CDH15: variants seen among roughly 807,000 people sequenced by gnomAD.
CDH15 encodes cadherin 15.
Under a neutral mutation model 69.4 loss-of-function variants are expected in CDH15, and 73 were observed. That is an observed-to-expected ratio of 1.05 (90% CI 0.87 to 1.28). The LOEUF (loss-of-function observed/expected upper bound fraction) is 1.28, where lower values mean the gene tolerates loss of function less well. Ranked by LOEUF, CDH15 falls within the 50% of genes most tolerant of loss-of-function variation. The probability of loss-of-function intolerance (pLI) is 0.00; values close to 1 mark genes in which losing one functional copy is unlikely to be tolerated. For synonymous variants in CDH15, 624 were observed against 507.7 expected (o/e 1.23, Z -3.08); for missense variants, 1,343 against 1,133.6 (o/e 1.18, Z -2.65).
rs930035752 is a variant in CDH15, at chr16:89,195,026, C to T, written c.2316C>T (p.Arg772=). 3 of 1,612,296 alleles carry T rather than the reference C, an allele frequency of 1.9e-6. No individual in the cohort carries two copies. The highest frequency in any genetic ancestry group is 2.7e-5 in the African/African-American group (2 of 74,928). ...ACTACCTCAGAGACTGGGGGCCCCG[C>T]TTCGCCCGGCTGGCAGACATGTATG... ...DYDYLRDWGP[R]FARLADMYGH... Residue 772 remains arginine (R), a synonymous_variant, in exon 14 of 14, where the codon CGC becomes CGT. Transcript: ENST00000289746.
In CDH15 at chr16:89,185,194, A is replaced by G. The variant is rs758474503; in HGVS notation, c.524A>G (p.Glu175Gly). ...AVPGTYVTRAEATDADDPETD... is the reference protein window; with the variant it reads ...AVPGTYVTRAGATDADDPETD... ...CCAGGCACCTATGTGACCAGGGCAGAGGCCACAGATGCCGACGACCCCGAG... is the reference window on the plus strand; with the variant it reads ...CCAGGCACCTATGTGACCAGGGCAGGGGCCACAGATGCCGACGACCCCGAG... Residue 175 changes from glutamate (E) to glycine (G), a missense_variant, in exon 5 of 14, where the codon GAG becomes GGG. By Grantham distance (98) the Glu-to-Gly change is moderately conservative (BLOSUM62 -2). Transcript: ENST00000289746. The G allele has an allele frequency of 1.2e-6, 2 of 1,602,098 alleles. No homozygotes were observed. The highest frequency in any genetic ancestry group is 8.5e-7 in the Non-Finnish European group (1 of 1,175,542).
At chr16:89,189,503 G>A (rs576895886) in intron 7 of CDH15, among the ~76,000 whole-genome samples, 2 of 152,226 alleles carry the variant, frequency 1.3e-5, no homozygotes, top group African/African-American at 4.8e-5. Flanking sequence ...GAGAGAGAGT[G>A]GGGGAGGGCA....
In CDH15 at chr16:89,193,625, GT is replaced by G. The variant is rs1237518097; in HGVS notation, c.1992+20del. The G allele has an allele frequency of 6.3e-7, 1 of 1,576,396 alleles. No homozygotes were observed. Among genetic ancestry groups the G allele is most frequent in the African/African-American group, 1.3e-5 (1 of 74,426 alleles). On this transcript the variant is annotated intron_variant, in intron 12 of 13. Transcript: ENST00000289746. ...GGACCAGGTGAGGGGGCAGGTGTGG[GT>G]GGGGAGGGGTCCCCAAGGAACCCAG...
At chr16:89,176,004 C>A (rs1361457136) in intron 1 of CDH15, among the ~76,000 whole-genome samples, 1 of 152,232 alleles carries the variant, frequency 6.6e-6, no homozygotes, top group Non-Finnish European at 1.5e-5. Context: ...ACAGTCAGAG[C>A]GAGAGGCCCC....
rs1915167679 is a variant in CDH15, at chr16:89,171,955, C to G, written c.42+82C>G. The G allele has an allele frequency of 5.7e-6, 8 of 1,407,388 alleles. No individual in the cohort carries two copies. In the Admixed American group the frequency reaches 1.4e-4, roughly 24 times the overall value. 87.2% of individuals were successfully genotyped at this position (1,407,388 alleles called of 1,614,324 possible). ...TGTCTTCAACTGCAGCCGCACAGGT[C>G]TCCCCCAGAACCACTGGCCCTGGTC... On this transcript the variant is annotated intron_variant, in intron 1 of 13. Transcript: ENST00000289746.
rs1218462112 is a variant in CDH15, at chr16:89,192,452, A to T, written c.1855+8A>T. 1 of 1,561,394 alleles carries T rather than the reference A, an allele frequency of 6.4e-7. No homozygotes were observed. The highest frequency in any genetic ancestry group is 8.6e-7 in the Non-Finnish European group (1 of 1,161,276). The stretch of plus-strand genomic sequence containing the variant: ...GCGCCCTCCTGCTGCTGGGTGAGTG[A>T]GCGCCCCGCCTCCACCTGGACCCTC... On this transcript the variant is annotated splice_region_variant and intron_variant, in intron 11 of 13. Coordinates refer to ENST00000289746, the MANE Select transcript of CDH15 (RefSeq NM_004933.3).
At position 89,192,309 on chromosome 16, in the gene CDH15, C is replaced by T. The variant is rs1915667348; in HGVS notation, c.1720C>T (p.Pro574Ser). 3 of 1,534,438 alleles carry T rather than the reference C, an allele frequency of 2.0e-6. No individual in the cohort carries two copies. The highest frequency in any genetic ancestry group is 1.4e-5 in the African/African-American group (1 of 72,888). The change falls in exon 11 of 14, where the codon CCT becomes TCT. Residue 574 changes from proline to serine, a missense_variant. Coordinates refer to ENST00000289746, the MANE Select transcript of CDH15 (RefSeq NM_004933.3). ...GCAGCCGCCCCAGCAGCGCGAGCAGCCTCTGAACGTGACCGTGTGCCGCTG... is the reference window on the plus strand; with the variant it reads ...GCAGCCGCCCCAGCAGCGCGAGCAGTCTCTGAACGTGACCGTGTGCCGCTG... Reference protein sequence around the residue: ...SGQPPQQREQPLNVTVCRCGK... With the variant: ...SGQPPQQREQSLNVTVCRCGK...
chr16:89,175,007 C>G (rs12444102), intron 1 of CDH15, among the ~76,000 whole-genome samples: 1 of 152,010 alleles, frequency 6.6e-6, no homozygotes, highest in African/African-American at 2.4e-5. Flanking sequence ...GCTTTGAGAA[C>G]GCCCCCGAGA....
chr16:89,178,816 A>AG (rs1186925600), intron 1 of CDH15, among the ~76,000 whole-genome samples: 1 of 152,128 alleles, frequency 6.6e-6, no homozygotes, highest in African/African-American at 2.4e-5. Context: ...GGAGAGGTGG[A>AG]GGGGGACGGG....
At chr16:89,184,816 C>A (rs923515300) in intron 4 of CDH15, among the ~76,000 whole-genome samples, 19 of 152,236 alleles carry the variant, frequency 1.2e-4, no homozygotes, top group African/African-American at 4.6e-4. Flanking sequence ...TGACCCAGCG[C>A]CCTTAGCCCC....
In CDH15 at chr16:89,183,718, C is replaced by T. The variant is rs759113075; in HGVS notation, c.502+26C>T. 2.4e-5 allele frequency: 38 copies of T among 1,572,066 alleles called. No homozygotes were observed. The Middle Eastern group carries it at 6.6e-4, about 27-fold the overall frequency. ...GTGAGACAGGACCACAGCCCCGGGC[C>T]GGGAGGGGCTGCAAGGAAGGGCTCT... is the stretch of plus-strand genomic sequence containing the variant. On this transcript the variant is annotated intron_variant, in intron 4 of 13. Transcript: ENST00000289746.
chr16:89,190,992 T>C (rs1325304876), intron 8 of CDH15, among the ~76,000 whole-genome samples: 2 of 150,678 alleles, frequency 1.3e-5, no homozygotes, highest in African/African-American at 2.4e-5. Context: ...GGGTTGTGTG[T>C]ACATGTGTAT....
In CDH15 at chr16:89,195,070, A is replaced by G. The variant is rs1915771658; in HGVS notation, c.2360A>G (p.Glu787Gly). The change falls in exon 14 of 14, where the codon GAG becomes GGG. Residue 787 changes from glutamate (E) to glycine (G), a missense_variant. Glu to Gly is a moderately conservative substitution (Grantham distance 98). Coordinates refer to ENST00000289746, the MANE Select transcript of CDH15 (RefSeq NM_004933.3). Reference protein sequence around the residue: ...ADMYGHPCGLEYGARWDHQAR... With the variant: ...ADMYGHPCGLGYGARWDHQAR... Reference sequence around the variant, plus strand: ...ATGTATGGGCACCCGTGCGGGTTGGAGTACGGGGCCAGATGGGACCACCAG... The same window carrying G: ...ATGTATGGGCACCCGTGCGGGTTGGGGTACGGGGCCAGATGGGACCACCAG... The G allele has an allele frequency of 6.2e-7, 1 of 1,612,408 alleles. No homozygotes were observed. The highest frequency in any genetic ancestry group is 8.5e-7 in the Non-Finnish European group (1 of 1,179,810).
chr16:89,176,403 C>A (rs1333796332), intron 1 of CDH15, among the ~76,000 whole-genome samples: 1 of 152,134 alleles, frequency 6.6e-6, no homozygotes. Flanking sequence ...GCCCAGCTGG[C>A]CCAGCTCTGA....
chr16:89,182,216 CCCCTCCCCCAGCCTG>C lies in CDH15; in HGVS notation c.358-1293_358-1279del, dbSNP rs1181460591. Among the ~76,000 whole-genome samples, 8 of 12,648 alleles carry C rather than the reference CCCCTCCCCCAGCCTG, an allele frequency of 6.3e-4. 1 individual carries two copies. Among genetic ancestry groups the C allele is most frequent in the East Asian group, 5.1e-3 (1 of 196 alleles). 8.3% of individuals were successfully genotyped at this position (12,648 alleles called of 152,430 possible). ...CCCCCAGCCTGCCCTCCCCCAGCCT[CCCCTCCCCCAGCCTG>C]CCCTCCCCCAGCCTGCCCTCCCCCA... On this transcript the variant is annotated intron_variant, in intron 3 of 13. Transcript: ENST00000289746.
intron 1 of CDH15, among the ~76,000 whole-genome samples, chr16:89,175,570 G>C (rs1379599300): frequency 6.6e-6 from 1 of 152,200 alleles, no homozygotes; most frequent in Non-Finnish European, 1.5e-5. Context: ...CAAAGGGGAG[G>C]GGGAGAGGGA....
Position 89,191,464 on chromosome 16 carries a change from A to G in CDH15, c.1367A>G (p.Gln456Arg), listed in dbSNP as rs770421131. 6 of 1,612,338 alleles carry G rather than the reference A, an allele frequency of 3.7e-6. No individual in the cohort carries two copies. In the East Asian group the frequency reaches 8.9e-5, roughly 24 times the overall value. ...GGWYRAIVLAQDDASQPRTAT... is the reference protein window; with the variant it reads ...GGWYRAIVLARDDASQPRTAT... ...TGGTACAGAGCCATCGTCCTGGCCCAGGATGACGGTGAGCGGCGCCGCCGG... is the reference window on the plus strand; with the variant it reads ...TGGTACAGAGCCATCGTCCTGGCCCGGGATGACGGTGAGCGGCGCCGCCGG... The change falls in exon 9 of 14, where the codon CAG becomes CGG. Residue 456 changes from glutamine (Q) to arginine (R), a missense_variant. By Grantham distance (43) the Gln-to-Arg change is conservative. Transcript: ENST00000289746.
intron 1 of CDH15, among the ~76,000 whole-genome samples, chr16:89,172,889 C>G (rs540382315): frequency 1.3e-5 from 2 of 152,314 alleles, no homozygotes; most frequent in East Asian, 3.9e-4. Flanking sequence ...ATTCATTGCT[C>G]TTGTGGTCCT....
In CDH15 at chr16:89,171,960, C is replaced by T. The variant is rs976968653; in HGVS notation, c.42+87C>T. On this transcript the variant is annotated intron_variant, in intron 1 of 13. Coordinates refer to ENST00000289746, the MANE Select transcript of CDH15 (RefSeq NM_004933.3). Reference sequence around the variant, plus strand: ...TCAACTGCAGCCGCACAGGTCTCCCCCAGAACCACTGGCCCTGGTCGCCTT... The same window carrying T: ...TCAACTGCAGCCGCACAGGTCTCCCTCAGAACCACTGGCCCTGGTCGCCTT... 3 of 1,377,134 alleles carry T rather than the reference C, an allele frequency of 2.2e-6. No homozygotes were observed. In the African/African-American group the frequency reaches 4.3e-5, roughly 20 times the overall value. The allele number at this position is 1,377,134 out of a possible 1,614,324, so 85.3% of individuals were successfully genotyped here. A position where few individuals can be genotyped will look rare whatever the true frequency, so the allele number is the denominator to read the frequency against.
Sources: allele counts gnomAD v4.1 joint callset (sites outside exome capture counted in the v4.1 genomes callset), GRCh38; gene constraint gnomAD v4.1.1; transcripts MANE v1.5; gene names NCBI Gene and HGNC (gene_info 2026-07-23, HGNC 2026-07-21).